The following ZNF521 variants were observed in gnomAD, a reference collection of about 807,000 sequenced individuals.
ZNF521 encodes the protein LYST-interacting protein 3.
ZNF521 carries 14 observed loss-of-function variants against 105.5 expected under a neutral mutation model. The observed-to-expected ratio is 0.13, with a 90% CI of 0.09 to 0.21. ZNF521 has a LOEUF of 0.21. ZNF521 is among the 10% of genes least tolerant of loss of function. The probability of loss-of-function intolerance (pLI) is 1.00; values close to 1 mark genes in which losing one functional copy is unlikely to be tolerated. For synonymous variants in ZNF521, 635 were observed against 606.0 expected, an observed-to-expected ratio of 1.05 and a Z score of -0.70; for missense variants, 1,233 against 1,629.7, an observed-to-expected ratio of 0.76 and a Z score of 4.19.
At chr18:25,333,191 C>T (rs1233783432) in intron 2 of ZNF521, among the ~76,000 whole-genome samples, 4 of 151,212 alleles carry the variant, frequency 2.6e-5, no homozygotes, top group African/African-American at 4.9e-5. Context: ...GTAATATCAA[C>T]GAAATCAATC....
chr18:25,069,222 A>G (rs2033153539), intron 7 of ZNF521, among the ~76,000 whole-genome samples: 1 of 152,124 alleles, frequency 6.6e-6, no homozygotes. Flanking sequence ...TTCATTCCCA[A>G]CTTCTTATGC....
intron 2 of ZNF521, among the ~76,000 whole-genome samples, chr18:25,345,069 C>G (rs1207632327): frequency 6.6e-6 from 1 of 152,172 alleles, no homozygotes; most frequent in Non-Finnish European, 1.5e-5. Context: ...TATGCTTCAA[C>G]TTATGTCAAC....
chr18:25,181,705 G>A (rs1038695704), intron 5 of ZNF521, among the ~76,000 whole-genome samples: 27 of 152,064 alleles, frequency 1.8e-4, no homozygotes, highest in Non-Finnish European at 3.4e-4. Context: ...TTAGATAGAC[G>A]TCTTAGATGT....
chr18:25,308,219 A>AAAAAC (rs1912089351), intron 3 of ZNF521, among the ~76,000 whole-genome samples: 2 of 143,816 alleles, frequency 1.4e-5, no homozygotes, highest in Admixed American at 7.0e-5. Context: ...AAAAAAAAAA[A>AAAAAC]GCGTGGATAC....
intron 2 of ZNF521, 96 bp downstream of exon 2, chr18:25,350,811 G>T: frequency 7.2e-7 from 1 of 1,388,132 alleles, no homozygotes; most frequent in Non-Finnish European, 9.8e-7. Context: ...TCACACTCAC[G>T]CGCGCACACG....
intron 4 of ZNF521, among the ~76,000 whole-genome samples, chr18:25,220,000 C>T (rs966049184): frequency 4.6e-5 from 7 of 152,078 alleles, no homozygotes; most frequent in African/African-American, 1.7e-4. Context: ...CCCTTGGATA[C>T]ACTATTTGGA....
At chr18:25,244,415 C>T (rs1204127879) in intron 3 of ZNF521, among the ~76,000 whole-genome samples, 1 of 152,118 alleles carries the variant, frequency 6.6e-6, no homozygotes, top group African/African-American at 2.4e-5. Flanking sequence ...TTCAGGAAGC[C>T]TAAGACCTCA....
chr18:25,307,531 T>C (rs1912049710), intron 3 of ZNF521, among the ~76,000 whole-genome samples: 1 of 152,160 alleles, frequency 6.6e-6, no homozygotes, highest in Non-Finnish European at 1.5e-5. Flanking sequence ...GCTCTTGGCA[T>C]TGCCTCCCCA....
Position 25,169,667 on chromosome 18 carries a change from C to T in ZNF521, c.3658+25493G>A, listed in dbSNP as rs902826053. On this transcript the variant is annotated intron_variant, in intron 5 of 7. Transcript: ENST00000361524. ...TATCTCTTATATTTTAAATAAATGACGACCTACAATTTGCATGATTCTTGA... is the reference window on the plus strand; with the variant it reads ...TATCTCTTATATTTTAAATAAATGATGACCTACAATTTGCATGATTCTTGA... Among the ~76,000 whole-genome samples the T allele has an allele frequency of 2.0e-5, 3 of 151,990 alleles. No individual in the cohort carries two copies. In the South Asian group the frequency reaches 6.2e-4, roughly 32 times the overall value.
chr18:25,078,145 C>G (rs2033408798), intron 7 of ZNF521, among the ~76,000 whole-genome samples: 2 of 152,158 alleles, frequency 1.3e-5, no homozygotes, highest in Admixed American at 1.3e-4. Flanking sequence ...GTTATTCAAT[C>G]AGCCCGAGAC....
chr18:25,314,376 C>T (rs753205018), intron 3 of ZNF521, among the ~76,000 whole-genome samples: 3 of 152,138 alleles, frequency 2.0e-5, no homozygotes, highest in Non-Finnish European at 4.4e-5. Flanking sequence ...TACTCACTTT[C>T]ACATTTAAAA....
chr18:25,331,221 C>T (rs1433152518), intron 2 of ZNF521, among the ~76,000 whole-genome samples: 1 of 151,944 alleles, frequency 6.6e-6, no homozygotes, highest in Non-Finnish European at 1.5e-5. Context: ...GGACTCCCTT[C>T]TTCCATTTTA....
chr18:25,294,928 C>T (rs1270629580), intron 3 of ZNF521, among the ~76,000 whole-genome samples: 3 of 148,750 alleles, frequency 2.0e-5, no homozygotes, highest in Non-Finnish European at 4.4e-5. Context: ...TCTGCGACAT[C>T]CTTTATCTCT....
Position 25,350,807 on chromosome 18 carries a change from TCA to T in ZNF521, c.40+98_40+99del, listed in dbSNP as rs1292680039. 3.1e-5 allele frequency: 42 copies of T among 1,362,302 alleles called. No homozygotes were observed. In the East Asian group the frequency reaches 7.0e-4, roughly 23 times the overall value. The allele number at this position is 1,362,302 out of a possible 1,614,324, so 84.4% of individuals were successfully genotyped here. A position where few individuals can be genotyped will look rare whatever the true frequency, so the allele number is the denominator to read the frequency against. Reference sequence around the variant, plus strand: ...CGCGCCCCCGCACTCACACTCACACTCACGCGCGCACACGCCTCGCAGCCACG... The same window carrying T: ...CGCGCCCCCGCACTCACACTCACACTCGCGCGCACACGCCTCGCAGCCACG... On this transcript the variant is annotated intron_variant, in intron 2 of 7. Coordinates refer to ENST00000361524, the MANE Select transcript of ZNF521 (RefSeq NM_015461.3).
intron 3 of ZNF521, among the ~76,000 whole-genome samples, chr18:25,234,787 T>C (rs572988461): frequency 3.2e-4 from 49 of 152,262 alleles, no homozygotes; most frequent in Non-Finnish European, 6.2e-4. Flanking sequence ...GCAGTTTTCA[T>C]ATTGAGATTC....
intron 3 of ZNF521, among the ~76,000 whole-genome samples, chr18:25,255,315 A>G (rs893804528): frequency 2.6e-5 from 4 of 152,098 alleles, no homozygotes; most frequent in African/African-American, 9.7e-5. Context: ...TTAGTAGGTA[A>G]TGGGTTATAT....
intron 7 of ZNF521, among the ~76,000 whole-genome samples, chr18:25,064,229 A>T (rs1258069184): frequency 4.6e-5 from 7 of 152,174 alleles, no homozygotes; most frequent in Non-Finnish European, 1.0e-4. Flanking sequence ...GGGTACATAA[A>T]AGTAAAGCAA....
intron 3 of ZNF521, among the ~76,000 whole-genome samples, chr18:25,304,385 T>C (rs1252434242): frequency 1.3e-5 from 2 of 152,230 alleles, no homozygotes; most frequent in Non-Finnish European, 1.5e-5. Flanking sequence ...CTCTTCAAGC[T>C]GCTCATCAGA....
intron 3 of ZNF521, among the ~76,000 whole-genome samples, chr18:25,228,531 T>C (rs1906321372): frequency 6.6e-6 from 1 of 152,250 alleles, no homozygotes; most frequent in South Asian, 2.1e-4. Flanking sequence ...TGGCCCACCA[T>C]ATCTTCCTTT....
Sources: allele counts gnomAD v4.1 joint callset (sites outside exome capture counted in the v4.1 genomes callset), GRCh38; gene constraint gnomAD v4.1.1; transcripts MANE v1.5; gene names NCBI Gene and HGNC (gene_info 2026-07-23, HGNC 2026-07-21).